The following SNX2 variants were observed in gnomAD, a reference collection of about 807,000 sequenced individuals.
SNX2 encodes the protein sorting nexin-2.
In SNX2, 25 loss-of-function variants were observed where a neutral mutation model predicts 69.9. The ratio of observed to expected loss-of-function variants is 0.36; its 90% CI spans 0.26 to 0.50. SNX2 has a LOEUF of 0.50. Among genes scored for constraint, SNX2 ranks in the 20% least tolerant of loss-of-function variants. The pLI is 0.97. For missense variants in SNX2, 551 were observed against 613.3 expected (o/e 0.90, Z 1.07); for synonymous variants, 229 against 200.4 (o/e 1.14, Z -1.20).
rs138425605 is a variant in SNX2 at position 122,833,275 on chromosome 5, A to C, written c.*3627A>C. On this transcript the variant is annotated 3_prime_UTR_variant, in exon 15 of 15. Transcript: ENST00000379516. ...TTACAACAAGATAAATGTGAGTAAT[A>C]GTTCATTTTCCTGCATTTTTGATGA... 1 of 152,194 alleles carries C rather than the reference A, an allele frequency of 6.6e-6. No homozygotes were observed. Among genetic ancestry groups the C allele is most frequent in the Admixed American group, 6.5e-5 (1 of 15,276 alleles). 9.4% of individuals were successfully genotyped at this position (152,194 alleles called of 1,614,324 possible).
chr5:122,798,461 A>G (rs1753434971), intron 2 of SNX2, among the ~76,000 whole-genome samples: 2 of 152,198 alleles, frequency 1.3e-5, no homozygotes, highest in Admixed American at 6.5e-5. Flanking sequence ...TAAAATGTTG[A>G]CGTGTATAAC....
chr5:122,797,301 C>A (rs1044382846), intron 2 of SNX2, among the ~76,000 whole-genome samples: 1 of 152,122 alleles, frequency 6.6e-6, no homozygotes, highest in Non-Finnish European at 1.5e-5. Context: ...TGGTGAATAT[C>A]AGTGTTTGTT....
rs1380294908 is a variant in SNX2 at position 122,832,073 on chromosome 5, G to T, written c.*2425G>T. On this transcript the variant is annotated 3_prime_UTR_variant, in exon 15 of 15. Coordinates refer to ENST00000379516, the MANE Select transcript of SNX2 (RefSeq NM_003100.4). ...AATAAGTAAAACAAGAACATTAATA[G>T]TGCTAATAATATAATCTTTTCATTG... Among the ~76,000 whole-genome samples the T allele has an allele frequency of 1.4e-4, 21 of 152,156 alleles. No individual in the cohort carries two copies. The highest frequency in any genetic ancestry group is 1.4e-3 in the Admixed American group (21 of 15,282).
intron 5 of SNX2, 39 bp downstream of exon 5, chr5:122,802,163 CATT>C (rs1045934557): frequency 4.5e-6 from 7 of 1,544,910 alleles, no homozygotes; most frequent in Non-Finnish European, 6.3e-6. Flanking sequence ...ATCGAGCCCT[CATT>C]ATGTGTAGTA....
At chr5:122,823,799 TG>T (rs1434069411) in intron 11 of SNX2, among the ~76,000 whole-genome samples, 1 of 151,624 alleles carries the variant, frequency 6.6e-6, no homozygotes, top group South Asian at 2.1e-4. Flanking sequence ...TGTGTGTGTG[TG>T]TGTGTGTGTG....
intron 6 of SNX2, among the ~76,000 whole-genome samples, chr5:122,804,697 G>C (rs1314738104): frequency 1.3e-5 from 2 of 152,064 alleles, no homozygotes; most frequent in Non-Finnish European, 2.9e-5. Flanking sequence ...TAAAGACTTA[G>C]TTAAGAAACT....
chr5:122,814,239 T>C (rs6896344), intron 7 of SNX2, among the ~76,000 whole-genome samples: 1 of 152,008 alleles, frequency 6.6e-6, no homozygotes, highest in East Asian at 1.9e-4. Context: ...TTATCTGATA[T>C]ATTGTGAGAG....
chr5:122,824,189 G>A (rs1375107448), intron 11 of SNX2, among the ~76,000 whole-genome samples: 7 of 132,460 alleles, frequency 5.3e-5, no homozygotes, highest in Non-Finnish European at 1.6e-5. Context: ...GCAACAGAGC[G>A]AGACTCTGTC....
chr5:122,801,768 T>C, intron 3 of SNX2, 101 bp from the exon 4 acceptor site: 1 of 733,662 alleles, frequency 1.4e-6, no homozygotes, highest in Non-Finnish European at 2.3e-6. Context: ...AATTATTTGT[T>C]GTGACAGTGA....
At position 122,834,244 on chromosome 5, in the gene SNX2, T is replaced by G. The variant is rs555470852; in HGVS notation, c.*4596T>G. 25 of 152,358 alleles carry G rather than the reference T, an allele frequency of 1.6e-4. No homozygotes were observed. Among genetic ancestry groups the G allele is most frequent in the Non-Finnish European group, 2.9e-4 (20 of 68,026 alleles). The allele number at this position is 152,358 out of a possible 1,614,324, so 9.4% of individuals were successfully genotyped here. A position where few individuals can be genotyped will look rare whatever the true frequency, so the allele number is the denominator to read the frequency against. On this transcript the variant is annotated 3_prime_UTR_variant, in exon 15 of 15. Coordinates refer to ENST00000379516, the MANE Select transcript of SNX2 (RefSeq NM_003100.4). ...ATAAGATTGTAGAAGATAGGGAAGC[T>G]GTAGTTTACTATCTAGTTTTTTAAT...
intron 14 of SNX2, among the ~76,000 whole-genome samples, chr5:122,829,119 A>G (rs920222038): frequency 6.6e-6 from 1 of 152,226 alleles, no homozygotes; most frequent in African/African-American, 2.4e-5. Context: ...CTCCACCTCA[A>G]GAAAACAAAA....
At chr5:122,789,518 C>T (rs938473454) in intron 1 of SNX2, among the ~76,000 whole-genome samples, 1 of 151,332 alleles carries the variant, frequency 6.6e-6, no homozygotes, top group Non-Finnish European at 1.5e-5. Flanking sequence ...TCCTCTAGCC[C>T]GAAAGATGAG....
At chr5:122,822,048 A>G (rs1754037300) in intron 11 of SNX2, among the ~76,000 whole-genome samples, 1 of 152,200 alleles carries the variant, frequency 6.6e-6, no homozygotes, top group Non-Finnish European at 1.5e-5. Flanking sequence ...CCATTTACTT[A>G]GTGTGAATCA....
chr5:122,781,607 C>A (rs1417707286), intron 1 of SNX2, among the ~76,000 whole-genome samples: 1 of 152,092 alleles, frequency 6.6e-6, no homozygotes, highest in Non-Finnish European at 1.5e-5. Flanking sequence ...AGTGGCTGTA[C>A]CATTTTGCAT....
intron 1 of SNX2, among the ~76,000 whole-genome samples, chr5:122,792,436 A>G (rs1753263464): frequency 6.6e-6 from 1 of 152,144 alleles, no homozygotes; most frequent in South Asian, 2.1e-4. Flanking sequence ...TCTACTAAAA[A>G]TACAAAAAAA....
At chr5:122,775,028 G>C, upstream of SNX2, 7 of 1,340,890 alleles carry the variant, frequency 5.2e-6, no homozygotes, top group Non-Finnish European at 6.8e-6. Context: ...CTGGCGGGTC[G>C]GCGCGGGCCC....
chr5:122,793,311 C>T (rs1179553133), intron 1 of SNX2, among the ~76,000 whole-genome samples: 3 of 152,062 alleles, frequency 2.0e-5, no homozygotes, highest in African/African-American at 7.2e-5. Context: ...TACTACTACA[C>T]AGAACAATAT....
chr5:122,818,134 G>T (rs1438615598), intron 10 of SNX2, among the ~76,000 whole-genome samples: 3 of 152,026 alleles, frequency 2.0e-5, no homozygotes, highest in African/African-American at 7.2e-5. Flanking sequence ...TTAGGGAATG[G>T]GCTTTTTTGG....
At chr5:122,800,023 C>A (rs1753473916) in intron 3 of SNX2, among the ~76,000 whole-genome samples, 168 bp downstream of exon 3, 1 of 152,130 alleles carries the variant, frequency 6.6e-6, no homozygotes, top group Non-Finnish European at 1.5e-5. Context: ...CCACTCTACC[C>A]AGTGACCTGG....
Sources: gnomAD v4.1 joint callset for allele counts (sites outside exome capture counted in the v4.1 genomes callset) on GRCh38, gnomAD v4.1.1 for gene constraint, MANE v1.5 for transcripts, NCBI Gene and HGNC (gene_info 2026-07-23, HGNC 2026-07-21) for gene names.